NT5DC1: variants seen among roughly 807,000 people sequenced by gnomAD.
NT5DC1 encodes the protein 5'-nucleotidase domain containing 1.
In NT5DC1, 42 loss-of-function variants were observed where a neutral mutation model predicts 59.4. The observed-to-expected ratio is 0.71, with a 90% CI of 0.55 to 0.92. The LOEUF is 0.92. Ranked by LOEUF, NT5DC1 falls within the 40% of genes least tolerant of loss-of-function variation. The pLI, the probability that NT5DC1 is intolerant of heterozygous loss-of-function variation, is 0.00. For missense variants in NT5DC1, 501 were observed against 537.1 expected, an observed-to-expected ratio of 0.93 and a Z score of 0.66; for synonymous variants, 172 against 188.1, an observed-to-expected ratio of 0.91 and a Z score of 0.70.
chr6:116,124,688 G>T (rs1021577751), intron 6 of NT5DC1, among the ~76,000 whole-genome samples: 2 of 152,134 alleles, frequency 1.3e-5, no homozygotes, highest in Non-Finnish European at 2.9e-5. Flanking sequence ...AGGAAACTAA[G>T]GCATGGGAGG....
Position 116,248,663 on chromosome 6 carries a change from A to G in NT5DC1, c.*4639A>G, listed in dbSNP as rs371061298. 3.3e-5 allele frequency: 5 copies of G among 152,348 alleles called. No homozygotes were observed. Among genetic ancestry groups the G allele is most frequent in the African/African-American group, 7.2e-5 (3 of 41,568 alleles). The allele number at this position is 152,348 out of a possible 1,614,324, so 9.4% of individuals were successfully genotyped here. ...ACCAGGGTAATTATGCAGTGTCACC[A>G]CTACTCACAGGGATTATGGCCTGAG... On this transcript the variant is annotated 3_prime_UTR_variant, in exon 12 of 12. Coordinates refer to ENST00000319550, the MANE Select transcript of NT5DC1 (RefSeq NM_152729.3).
At chr6:116,107,722 G>A (rs1264027806) in intron 2 of NT5DC1, among the ~76,000 whole-genome samples, 3 of 151,736 alleles carry the variant, frequency 2.0e-5, no homozygotes, top group Non-Finnish European at 4.4e-5. Context: ...ACAGGCGCCC[G>A]CCACTACGCC....
rs976618418 is a variant in NT5DC1 at position 116,245,993 on chromosome 6, T to C, written c.*1969T>C. On this transcript the variant is annotated 3_prime_UTR_variant, in exon 12 of 12. Coordinates refer to ENST00000319550, the MANE Select transcript of NT5DC1 (RefSeq NM_152729.3). Reference sequence around the variant, plus strand: ...TTCTAGCAGTCAGTATTTCTTCTAATGAATGTTTTTTTTCTGTAATTAGAA... The same window carrying C: ...TTCTAGCAGTCAGTATTTCTTCTAACGAATGTTTTTTTTCTGTAATTAGAA... 3 of 152,178 alleles carry C rather than the reference T, an allele frequency of 2.0e-5. No individual in the cohort carries two copies. Among genetic ancestry groups the C allele is most frequent in the African/African-American group, 7.2e-5 (3 of 41,458 alleles). The allele number at this position is 152,178 out of a possible 1,614,324, so 9.4% of individuals were successfully genotyped here.
chr6:116,228,865 T>G (rs1323540147), intron 8 of NT5DC1, among the ~76,000 whole-genome samples: 1 of 152,204 alleles, frequency 6.6e-6, no homozygotes, highest in Non-Finnish European at 1.5e-5. Flanking sequence ...CCTAACATTC[T>G]GTATTTGGCT....
Position 116,229,361 on chromosome 6 carries a change from A to G in NT5DC1, c.802+6230A>G, listed in dbSNP as rs143721109. 2.8e-3 allele frequency among the ~76,000 whole-genome samples: 425 copies of G among 152,288 alleles called. 8 individuals carry two copies. Among genetic ancestry groups the G allele is most frequent in the Non-Finnish European group, 6.3e-4 (43 of 68,032 alleles). On this transcript the variant is annotated intron_variant, in intron 8 of 11. Coordinates refer to ENST00000319550, the MANE Select transcript of NT5DC1 (RefSeq NM_152729.3). ...GCTCCAAATGGTTAAAGTAAAGTTA[A>G]TGCAACTGAGCTGGCTGGGATGGAA...
At chr6:116,120,850 G>T in intron 6 of NT5DC1, 1 of 1,613,992 alleles carries the variant, frequency 6.2e-7, no homozygotes, top group Non-Finnish European at 8.5e-7. Context: ...GGCCCACAGG[G>T]CCTGGGAGAC....
chr6:116,197,708 C>T (rs1174220740), intron 6 of NT5DC1, among the ~76,000 whole-genome samples: 2 of 152,024 alleles, frequency 1.3e-5, no homozygotes, highest in Admixed American at 1.3e-4. Flanking sequence ...TGAAAATAAA[C>T]TTGATAATGG....
intron 6 of NT5DC1, among the ~76,000 whole-genome samples, chr6:116,211,135 A>G (rs1360889420): frequency 6.6e-6 from 1 of 152,058 alleles, no homozygotes; most frequent in Non-Finnish European, 1.5e-5. Flanking sequence ...CTACTGTGAG[A>G]CCCAAATGCA....
chr6:116,137,463 C>T (rs540997440), intron 6 of NT5DC1: 32 of 174,384 alleles, frequency 1.8e-4, no homozygotes, highest in Non-Finnish European at 3.5e-4. Flanking sequence ...TTTGTGCAGC[C>T]GAGAACAGTA....
At chr6:116,190,947 A>C (rs1197386478) in intron 6 of NT5DC1, among the ~76,000 whole-genome samples, 1 of 151,992 alleles carries the variant, frequency 6.6e-6, no homozygotes, top group East Asian at 1.9e-4. Flanking sequence ...CTGGTATTCC[A>C]GAACTGGAAA....
At chr6:116,152,893 C>T (rs1039348414) in intron 6 of NT5DC1, among the ~76,000 whole-genome samples, 2 of 151,886 alleles carry the variant, frequency 1.3e-5, no homozygotes, top group African/African-American at 2.4e-5. Flanking sequence ...TCTATGATGT[C>T]GCCAGAGAAA....
At chr6:116,105,234 C>T (rs1778746543) in intron 1 of NT5DC1, among the ~76,000 whole-genome samples, 1 of 152,180 alleles carries the variant, frequency 6.6e-6, no homozygotes, top group Non-Finnish European at 1.5e-5. Context: ...AGTTTCTGAA[C>T]CTGAGTTGCC....
At chr6:116,118,126 A>G in intron 6 of NT5DC1, 181 bp downstream of exon 6, 1 of 630,890 alleles carries the variant, frequency 1.6e-6, no homozygotes, top group South Asian at 1.7e-5. Flanking sequence ...TGCTTCTTTC[A>G]TGGCTATAAT....
At chr6:116,121,348 C>T in intron 6 of NT5DC1, 1 of 1,614,026 alleles carries the variant, frequency 6.2e-7, no homozygotes, top group Non-Finnish European at 8.5e-7. Context: ...GCCCTCGTTC[C>T]CCAGGAGGGC....
intron 6 of NT5DC1, among the ~76,000 whole-genome samples, chr6:116,160,332 C>T (rs541978992): frequency 1.3e-5 from 2 of 152,222 alleles, no homozygotes; most frequent in South Asian, 2.1e-4. Flanking sequence ...GATGGCATCT[C>T]ACTGTGGTTT....
chr6:116,117,879 A>C lies in NT5DC1; in HGVS notation c.463A>C (p.Thr155Pro), dbSNP rs1358033569. 6.4e-7 allele frequency: 1 copy of C among 1,567,468 alleles called. No individual in the cohort carries two copies. The highest frequency in any genetic ancestry group is 8.8e-7 in the Non-Finnish European group (1 of 1,140,450). Residue 155 changes from threonine to proline, a missense_variant, in exon 6 of 12, where the codon ACA becomes CCA. Coordinates refer to ENST00000319550, the MANE Select transcript of NT5DC1 (RefSeq NM_152729.3). ...TTTTCAGCTGAACAATGGTCAAAAA[A>C]CATTTGATTTTTGGAAGGATATAGT... ...YLTKLNNGQK[T>P]FDFWKDIVAA...
intron 8 of NT5DC1, among the ~76,000 whole-genome samples, chr6:116,230,495 A>G (rs955618876): frequency 3.9e-5 from 6 of 152,232 alleles, no homozygotes; most frequent in African/African-American, 1.2e-4. Flanking sequence ...TGAATCACCT[A>G]GAGATCTTGT....
Position 116,170,400 on chromosome 6 carries a change from A to C in NT5DC1, c.530-50654A>C, listed in dbSNP as rs377595725. On this transcript the variant is annotated intron_variant, in intron 6 of 11. Coordinates refer to ENST00000319550, the MANE Select transcript of NT5DC1 (RefSeq NM_152729.3). ...TCTGCCACGTAGTTGGTGTGCTTGT[A>C]GGCAGATTATCTAGCCACCATTTAT... 5.3e-5 allele frequency among the ~76,000 whole-genome samples: 8 copies of C among 152,302 alleles called. No individual in the cohort carries two copies. The East Asian group carries it at 1.3e-3, about 26-fold the overall frequency.
At chr6:116,174,280 C>G (rs1204778) in intron 6 of NT5DC1, among the ~76,000 whole-genome samples, 151,054 of 152,254 alleles carry the variant, frequency 0.99, 74,935 homozygotes, top group Middle Eastern at 1. Flanking sequence ...TCAAGAGTGA[C>G]GGGTAGGTGT....
Sources: gnomAD v4.1 joint callset for allele counts (sites outside exome capture counted in the v4.1 genomes callset) on GRCh38, gnomAD v4.1.1 for gene constraint, MANE v1.5 for transcripts, NCBI Gene and HGNC (gene_info 2026-07-23, HGNC 2026-07-21) for gene names.